Variants in TAFA1 observed in about 807,000 individuals in gnomAD.
TAFA1 encodes the protein TAFA chemokine like family member 1.
In TAFA1, 4 loss-of-function variants were observed where a neutral mutation model predicts 18.5. The observed-to-expected ratio is 0.22, with a 90% CI of 0.11 to 0.49. The LOEUF (loss-of-function observed/expected upper bound fraction) is 0.49, where lower values mean the gene tolerates loss of function less well. Among genes scored for constraint, TAFA1 ranks in the 20% least tolerant of loss-of-function variants. The pLI is 0.98. For synonymous variants in TAFA1, 56 were observed against 55.2 expected (o/e 1.01, Z -0.06); for missense variants, 147 against 169.0 (o/e 0.87, Z 0.72).
rs115120105 is a variant in TAFA1, at chr3:68,066,914, G to A, written c.118+60170G>A. Among the ~76,000 whole-genome samples the A allele has an allele frequency of 8.9e-3, 1,348 of 152,184 alleles. 22 individuals carry two copies. Among genetic ancestry groups the A allele is most frequent in the African/African-American group, 0.031 (1,293 of 41,520 alleles). On this transcript the variant is annotated intron_variant, in intron 2 of 4. Coordinates refer to ENST00000478136, the MANE Select transcript of TAFA1 (RefSeq NM_213609.4). ...TCTATTTCTCTGTCAGGGTGGGAGA[G>A]TGACAGATTTCCATAAGGCACAGGG... is the stretch of plus-strand genomic sequence containing the variant.
intron 2 of TAFA1, among the ~76,000 whole-genome samples, chr3:68,374,214 A>T (rs911209693): frequency 8.5e-5 from 13 of 152,164 alleles, no homozygotes; most frequent in African/African-American, 3.1e-4. Flanking sequence ...TGAGAATTCT[A>T]AATCCACTTT....
At chr3:68,150,171 A>G (rs1575646545) in intron 2 of TAFA1, among the ~76,000 whole-genome samples, 1 of 152,136 alleles carries the variant, frequency 6.6e-6, no homozygotes, top group Non-Finnish European at 1.5e-5. Context: ...AGCTGCCTTT[A>G]ATTTTGTTTT....
At chr3:68,362,365 G>A (rs911420015) in intron 2 of TAFA1, among the ~76,000 whole-genome samples, 1 of 152,096 alleles carries the variant, frequency 6.6e-6, no homozygotes. Flanking sequence ...CCACAGAGGT[G>A]GCATTTTGGC....
At chr3:68,515,803 G>A (rs143731636) in intron 3 of TAFA1, among the ~76,000 whole-genome samples, 13 of 152,276 alleles carry the variant, frequency 8.5e-5, no homozygotes, top group African/African-American at 1.7e-4. Flanking sequence ...GCATTAGATG[G>A]AGTGCTATAC....
intron 2 of TAFA1, among the ~76,000 whole-genome samples, chr3:68,354,029 TCTCC>T: frequency 6.6e-6 from 1 of 151,982 alleles, no homozygotes. Flanking sequence ...GCCAGTGGGT[TCTCC>T]CTGTATATAT....
rs554915448 is a variant in TAFA1 at position 68,329,102 on chromosome 3, T to G, written c.119-88178T>G. Among the ~76,000 whole-genome samples the G allele has an allele frequency of 4.3e-3, 643 of 150,688 alleles. 6 individuals are homozygous for G. The highest frequency in any genetic ancestry group is 0.01 in the African/African-American group (415 of 41,068). On this transcript the variant is annotated intron_variant, in intron 2 of 4. Transcript: ENST00000478136. ...GGCCACTTTTTTGTTTTTTTTTTTT[T>G]GGGACAGAGTCTCACTCCGTCACCC...
chr3:68,181,172 G>A (rs974414993), intron 2 of TAFA1, among the ~76,000 whole-genome samples: 2 of 152,160 alleles, frequency 1.3e-5, no homozygotes, highest in Non-Finnish European at 2.9e-5. Context: ...GACCATAACT[G>A]TTGCTGTCAT....
At chr3:68,145,534 C>CA (rs1333004956) in intron 2 of TAFA1, 4 of 1,209,466 alleles carry the variant, frequency 3.3e-6, no homozygotes, top group East Asian at 2.3e-5. Context: ...TTTCCTTTAA[C>CA]AAGTTTATTC....
chr3:68,344,683 T>C (rs1212915232), intron 2 of TAFA1, among the ~76,000 whole-genome samples: 1 of 152,196 alleles, frequency 6.6e-6, no homozygotes, highest in Non-Finnish European at 1.5e-5. Flanking sequence ...TTTAGGGTTT[T>C]AGCTGGGCTT....
intron 2 of TAFA1, among the ~76,000 whole-genome samples, chr3:68,085,797 C>G (rs1224139632): frequency 6.6e-6 from 1 of 152,180 alleles, no homozygotes; most frequent in Non-Finnish European, 1.5e-5. Context: ...TTTCAATCAA[C>G]TCCCTCAAAG....
At chr3:68,109,183 G>GA (rs1040057091) in intron 2 of TAFA1, among the ~76,000 whole-genome samples, 6 of 151,342 alleles carry the variant, frequency 4.0e-5, no homozygotes, top group East Asian at 1.9e-4. Flanking sequence ...GAGTTGAAAA[G>GA]AAAAAAAAGG....
chr3:68,367,602 C>T (rs575195734), intron 2 of TAFA1, among the ~76,000 whole-genome samples: 29 of 152,222 alleles, frequency 1.9e-4, no homozygotes, highest in African/African-American at 6.3e-4. Flanking sequence ...TAATATCTGA[C>T]GAAACTCATG....
chr3:68,449,338 T>G (rs1243469549), intron 3 of TAFA1, among the ~76,000 whole-genome samples: 1 of 151,874 alleles, frequency 6.6e-6, no homozygotes, highest in Non-Finnish European at 1.5e-5. Flanking sequence ...TTCCAAAACA[T>G]GAAGTACCAA....
intron 2 of TAFA1, among the ~76,000 whole-genome samples, chr3:68,251,398 A>G (rs1188156217): frequency 1.3e-5 from 2 of 152,252 alleles, no homozygotes; most frequent in Non-Finnish European, 2.9e-5. Context: ...CTTCTCTGTT[A>G]GGAGTTACAA....
At chr3:68,303,778 G>A (rs912374777) in intron 2 of TAFA1, among the ~76,000 whole-genome samples, 24 of 152,144 alleles carry the variant, frequency 1.6e-4, no homozygotes, top group African/African-American at 5.8e-4. Flanking sequence ...TTAAAAATAT[G>A]TCACAAAGAG....
At chr3:68,091,759 G>C (rs562182830) in intron 2 of TAFA1, among the ~76,000 whole-genome samples, 94 of 152,222 alleles carry the variant, frequency 6.2e-4, no homozygotes, top group African/African-American at 2.1e-3. Flanking sequence ...TAACCCAAAC[G>C]ATTTCACAGA....
chr3:68,464,563 G>A (rs2071849303), intron 3 of TAFA1, among the ~76,000 whole-genome samples: 1 of 152,114 alleles, frequency 6.6e-6, no homozygotes. Flanking sequence ...AAAGGAGACG[G>A]TGGCATGAGA....
intron 2 of TAFA1, among the ~76,000 whole-genome samples, chr3:68,189,230 A>T (rs2066308788): frequency 6.6e-6 from 1 of 151,852 alleles, no homozygotes; most frequent in Admixed American, 6.6e-5. Context: ...AAGTGCAATA[A>T]CCAGCACTTT....
rs992189294 is a variant in TAFA1 at position 68,428,161 on chromosome 3, C to A, written c.259+10741C>A. Among the ~76,000 whole-genome samples, 3 of 151,828 alleles carry A rather than the reference C, an allele frequency of 2.0e-5. No individual in the cohort carries two copies. In the South Asian group the frequency reaches 6.2e-4, roughly 31 times the overall value. On this transcript the variant is annotated intron_variant, in intron 3 of 4. Transcript: ENST00000478136. ...GAAGAATGAGTATTTTCCTGTTACC[C>A]ATACTGTTGAGAGCAGAGGGAGAGG...
Sources: allele counts gnomAD v4.1 joint callset (sites outside exome capture counted in the v4.1 genomes callset), GRCh38; gene constraint gnomAD v4.1.1; transcripts MANE v1.5; gene names NCBI Gene and HGNC (gene_info 2026-07-23, HGNC 2026-07-21).